IL20RB: variants seen among roughly 807,000 people sequenced by gnomAD.
IL20RB encodes interleukin-20 receptor subunit beta.
IL20RB carries 21 observed loss-of-function variants against 33.3 expected under a neutral mutation model. That is an observed-to-expected ratio of 0.63 (90% CI 0.45 to 0.91). The LOEUF (loss-of-function observed/expected upper bound fraction) is 0.91, where lower values mean the gene tolerates loss of function less well. Ranked by LOEUF, IL20RB falls within the 40% of genes least tolerant of loss-of-function variation. The probability of loss-of-function intolerance (pLI) is 0.00; values close to 1 mark genes in which losing one functional copy is unlikely to be tolerated. For missense variants in IL20RB, 345 were observed against 384.8 expected, an observed-to-expected ratio of 0.90 and a Z score of 0.86; for synonymous variants, 147 against 146.8, an observed-to-expected ratio of 1.00 and a Z score of -0.01.
At position 136,992,118 on chromosome 3, in the gene IL20RB, C is replaced by A. The variant is rs202130880; in HGVS notation, c.682+30C>A. 3.1e-6 allele frequency: 5 copies of A among 1,610,364 alleles called. No homozygotes were observed. The Admixed American group carries it at 8.4e-5, about 27-fold the overall frequency. On this transcript the variant is annotated intron_variant, in intron 5 of 6. Transcript: ENST00000329582. Reference sequence around the variant, plus strand: ...GGATGGCTTCTCTGTCCCTGGAGCCCTGCACAGGTGATAGCCCCTCCTGGC... The same window carrying A: ...GGATGGCTTCTCTGTCCCTGGAGCCATGCACAGGTGATAGCCCCTCCTGGC...
At chr3:136,992,214 C>A in intron 5 of IL20RB, 126 bp downstream of exon 5, 1 of 989,578 alleles carries the variant, frequency 1.0e-6, no homozygotes, top group Non-Finnish European at 1.5e-6. Context: ...CCCTCATGGA[C>A]TGGGTGGGTT....
intron 6 of IL20RB, among the ~76,000 whole-genome samples, chr3:136,999,562 T>A (rs1942201374): frequency 6.6e-6 from 1 of 151,748 alleles, no homozygotes; most frequent in Non-Finnish European, 1.5e-5. Context: ...CAGGTATTTT[T>A]TTTTTTTTTG....
intron 1 of IL20RB, among the ~76,000 whole-genome samples, chr3:136,961,543 A>G (rs1156422897): frequency 6.6e-6 from 1 of 151,950 alleles, no homozygotes; most frequent in Non-Finnish European, 1.5e-5. Context: ...GGGCAGGGAA[A>G]AAACAAGATG....
At chr3:137,005,204 A>G (rs1277520895) in intron 6 of IL20RB, among the ~76,000 whole-genome samples, 7 of 152,174 alleles carry the variant, frequency 4.6e-5, no homozygotes, top group African/African-American at 1.7e-4. Context: ...CAATTTTAGA[A>G]TAAGTGCGAT....
intron 5 of IL20RB, 141 bp downstream of exon 5, chr3:136,992,229 T>C (rs759914764): frequency 1.2e-6 from 1 of 855,972 alleles, no homozygotes; most frequent in Non-Finnish European, 1.7e-6. Context: ...TGGGTTCCCA[T>C]AGTGAAATTA....
At chr3:137,000,235 T>G (rs1406634754) in intron 6 of IL20RB, among the ~76,000 whole-genome samples, 4 of 152,178 alleles carry the variant, frequency 2.6e-5, no homozygotes, top group Non-Finnish European at 5.9e-5. Context: ...TATTAGACTG[T>G]TTAGCCTTAG....
At chr3:137,007,372 G>A (rs1454385657) in intron 6 of IL20RB, among the ~76,000 whole-genome samples, 3 of 152,172 alleles carry the variant, frequency 2.0e-5, no homozygotes, top group East Asian at 3.9e-4. Flanking sequence ...GCTGCCTTTT[G>A]TTCAGCTATG....
At chr3:136,996,762 GC>G (rs938023163) in intron 6 of IL20RB, among the ~76,000 whole-genome samples, 6 of 152,134 alleles carry the variant, frequency 3.9e-5, no homozygotes, top group Admixed American at 2.6e-4. Flanking sequence ...ATAAAGCTTG[GC>G]AGTGTCCTTT....
intron 6 of IL20RB, among the ~76,000 whole-genome samples, chr3:137,000,365 G>A (rs1421126046): frequency 3.3e-5 from 5 of 152,070 alleles, no homozygotes; most frequent in Admixed American, 3.3e-4. Context: ...CTCCTTTTTG[G>A]GATTTTTCCT....
rs187532597 is a variant in IL20RB, at chr3:136,958,256, A to G, written c.88+55A>G. On this transcript the variant is annotated intron_variant, in intron 1 of 6. Transcript: ENST00000329582. ...TTTGGGCCTTGAATATAGGTTAAGA[A>G]GGCAAAAAATACTTTCCCAGGGCCT... 9.3e-3 allele frequency: 10,103 copies of G among 1,089,258 alleles called. 73 individuals carry two copies. The highest frequency in any genetic ancestry group is 9.9e-3 in the Non-Finnish European group (7,012 of 710,154). The allele number at this position is 1,089,258 out of a possible 1,614,324, so 67.5% of individuals were successfully genotyped here. A position where few individuals can be genotyped will look rare whatever the true frequency, so the allele number is the denominator to read the frequency against.
intron 1 of IL20RB, 150 bp from the exon 2 acceptor site, chr3:136,980,316 C>A: frequency 3.9e-6 from 3 of 769,454 alleles, no homozygotes; most frequent in Non-Finnish European, 2.2e-6. Flanking sequence ...GACAGAGTCT[C>A]ATTCTGTTGT....
At chr3:136,991,763 C>G (rs1258418736) in intron 4 of IL20RB, among the ~76,000 whole-genome samples, 175 bp from the exon 5 acceptor site, 1 of 152,200 alleles carries the variant, frequency 6.6e-6, no homozygotes, top group Non-Finnish European at 1.5e-5. Context: ...CACCCACCAC[C>G]ATGCCTGGCT....
At chr3:136,962,857 G>T (rs1941260591) in intron 1 of IL20RB, among the ~76,000 whole-genome samples, 4 of 116,944 alleles carry the variant, frequency 3.4e-5, no homozygotes, top group Admixed American at 2.0e-4. Context: ...TCCTGAATTG[G>T]ATTTTGGCCA....
chr3:136,962,706 T>G (rs984546661), intron 1 of IL20RB, among the ~76,000 whole-genome samples: 3 of 149,638 alleles, frequency 2.0e-5, no homozygotes, highest in African/African-American at 7.4e-5. Context: ...GAGCCGAGAT[T>G]GCACCACTGC....
intron 3 of IL20RB, among the ~76,000 whole-genome samples, chr3:136,982,787 A>T (rs1295491180): frequency 6.6e-6 from 1 of 152,222 alleles, no homozygotes; most frequent in Non-Finnish European, 1.5e-5. Context: ...TAACAGAGCC[A>T]CCAGAAAATT....
chr3:136,962,669 T>C (rs1364202303), intron 1 of IL20RB, among the ~76,000 whole-genome samples: 1 of 151,500 alleles, frequency 6.6e-6, no homozygotes, highest in East Asian at 1.9e-4. Flanking sequence ...GGAGAATCGC[T>C]TGAACCTGGG....
At chr3:136,995,906 T>C (rs1193188379) in intron 6 of IL20RB, among the ~76,000 whole-genome samples, 1 of 152,204 alleles carries the variant, frequency 6.6e-6, no homozygotes, top group Non-Finnish European at 1.5e-5. Context: ...TCTTGGCCTC[T>C]TCCCACAATT....
chr3:136,984,446 G>GGTTAC (rs1422775677), intron 3 of IL20RB, among the ~76,000 whole-genome samples: 2 of 152,006 alleles, frequency 1.3e-5, no homozygotes, highest in African/African-American at 4.8e-5. Flanking sequence ...AACCAGTTTA[G>GGTTAC]AGCTGCAGGA....
chr3:136,985,083 G>A (rs751874541), intron 3 of IL20RB, among the ~76,000 whole-genome samples: 13 of 152,296 alleles, frequency 8.5e-5, no homozygotes, highest in Middle Eastern at 6.8e-3. Flanking sequence ...TTGTACTTAC[G>A]AAGGCCTGTA....
Sources: gnomAD v4.1 joint callset for allele counts (sites outside exome capture counted in the v4.1 genomes callset) on GRCh38, gnomAD v4.1.1 for gene constraint, MANE v1.5 for transcripts, NCBI Gene and HGNC (gene_info 2026-07-23, HGNC 2026-07-21) for gene names.